The following CLDN14 variants were observed in gnomAD, a reference collection of about 807,000 sequenced individuals.
CLDN14 encodes claudin-14.
CLDN14 carries 2 observed loss-of-function variants against 2.1 expected under a neutral mutation model. The ratio of observed to expected loss-of-function variants is 0.96; its 90% confidence interval spans 0.39 to 3.01. The LOEUF (loss-of-function observed/expected upper bound fraction) is 3.01, where lower values mean the gene tolerates loss of function less well. Ranked by LOEUF, CLDN14 falls within the 30% of genes most tolerant of loss-of-function variation. The probability of loss-of-function intolerance (pLI) is 0.09; values close to 1 mark genes in which losing one functional copy is unlikely to be tolerated. For missense variants in CLDN14, 298 were observed against 328.0 expected, an observed-to-expected ratio of 0.91 and a Z score of 0.71; for synonymous variants, 136 against 154.4, an observed-to-expected ratio of 0.88 and a Z score of 0.88.
At chr21:36,509,071 A>G (rs1373845368) in intron 2 of CLDN14, among the ~76,000 whole-genome samples, 1 of 152,232 alleles carries the variant, frequency 6.6e-6, no homozygotes, top group East Asian at 1.9e-4. Context: ...ATATTGAAAG[A>G]ATATATAAAA....
At chr21:36,470,431 G>A (rs768671341) in intron 1 of CLDN14, among the ~76,000 whole-genome samples, 1 of 152,190 alleles carries the variant, frequency 6.6e-6, no homozygotes, top group East Asian at 1.9e-4. Context: ...GGAATGTGGA[G>A]GATCGCCAGC....
chr21:36,466,047 G>A (rs1417551715), intron 1 of CLDN14, among the ~76,000 whole-genome samples: 1 of 152,166 alleles, frequency 6.6e-6, no homozygotes, highest in African/African-American at 2.4e-5. Context: ...GATGTCTTGT[G>A]TGGAGGACAC....
chr21:36,475,298 C>T lies in CLDN14; in HGVS notation c.-82+4197G>A, dbSNP rs865866758. ...GTGTGAACATCATGGCGGGCCGTGGCGTCAAAGCTGGGATGGAGGGACATT... is the reference window on the plus strand; with the variant it reads ...GTGTGAACATCATGGCGGGCCGTGGTGTCAAAGCTGGGATGGAGGGACATT... On this transcript the variant is annotated intron_variant, in intron 1 of 1. Transcript: ENST00000399135. Among the ~76,000 whole-genome samples the T allele has an allele frequency of 7.9e-5, 12 of 152,146 alleles. No individual in the cohort carries two copies. In the South Asian group the frequency reaches 2.3e-3, roughly 29 times the overall value.
intron 1 of CLDN14, among the ~76,000 whole-genome samples, chr21:36,546,120 A>C (rs1181918256): frequency 6.6e-6 from 1 of 152,230 alleles, no homozygotes; most frequent in African/African-American, 2.4e-5. Context: ...TTCTTGGATT[A>C]ATCCAGATCT....
intron 1 of CLDN14, among the ~76,000 whole-genome samples, chr21:36,534,262 A>C (rs1260379549): frequency 1.3e-5 from 2 of 152,044 alleles, no homozygotes; most frequent in Non-Finnish European, 2.9e-5. Flanking sequence ...TTTTCATGCT[A>C]TTCATGAAAA....
chr21:36,542,262 C>T (rs1309837047), intron 1 of CLDN14, among the ~76,000 whole-genome samples: 1 of 152,154 alleles, frequency 6.6e-6, no homozygotes, highest in Admixed American at 6.5e-5. Flanking sequence ...CGCTCCTGGC[C>T]GGCAATAGAC....
chr21:36,521,235 G>A (rs1354152976), intron 1 of CLDN14, among the ~76,000 whole-genome samples: 1 of 152,132 alleles, frequency 6.6e-6, no homozygotes, highest in Admixed American at 6.5e-5. Flanking sequence ...GGCAGGGTCC[G>A]AGGGTCCCGT....
At chr21:36,555,816 T>C (rs2087594826) in intron 1 of CLDN14, among the ~76,000 whole-genome samples, 1 of 14,344 alleles carries the variant, frequency 7.0e-5, no homozygotes, top group African/African-American at 1.2e-4. Flanking sequence ...AGTGTGTGTG[T>C]GTGTGTGTGT....
At chr21:36,568,785 G>A (rs1374450951) in intron 1 of CLDN14, among the ~76,000 whole-genome samples, 2 of 152,138 alleles carry the variant, frequency 1.3e-5, no homozygotes, top group Non-Finnish European at 2.9e-5. Flanking sequence ...TCACAGACAC[G>A]CCACATATGC....
chr21:36,553,184 G>A (rs749136785), intron 1 of CLDN14, among the ~76,000 whole-genome samples: 23 of 152,290 alleles, frequency 1.5e-4, no homozygotes, highest in Non-Finnish European at 2.5e-4. Context: ...CGAGGCCCCC[G>A]TCTGTTGGAA....
At chr21:36,509,882 C>T (rs2087170149) in intron 2 of CLDN14, among the ~76,000 whole-genome samples, 1 of 152,134 alleles carries the variant, frequency 6.6e-6, no homozygotes, top group Non-Finnish European at 1.5e-5. Flanking sequence ...ACGTGAGCCA[C>T]CCGCGCCTGG....
chr21:36,469,225 T>C (rs2086682000), intron 1 of CLDN14, among the ~76,000 whole-genome samples: 1 of 152,222 alleles, frequency 6.6e-6, no homozygotes, highest in African/African-American at 2.4e-5. Context: ...AAGCAATACC[T>C]TGGAAAAACC....
chr21:36,573,390 G>T (rs1316900369), intron 1 of CLDN14, among the ~76,000 whole-genome samples: 1 of 152,010 alleles, frequency 6.6e-6, no homozygotes, highest in Non-Finnish European at 1.5e-5. Flanking sequence ...ATAGAAAAGG[G>T]TGTGAATTAT....
At chr21:36,562,716 A>G (rs1438727743) in intron 1 of CLDN14, among the ~76,000 whole-genome samples, 2 of 149,104 alleles carry the variant, frequency 1.3e-5, no homozygotes, top group East Asian at 2.0e-4. Context: ...TTTTTTCATG[A>G]GCAAATTACA....
chr21:36,467,031 G>A (rs907657216), intron 1 of CLDN14, among the ~76,000 whole-genome samples: 5 of 152,120 alleles, frequency 3.3e-5, no homozygotes, highest in South Asian at 2.1e-4. Flanking sequence ...ACGACAGAGC[G>A]GTAAAGAATT....
intron 1 of CLDN14, among the ~76,000 whole-genome samples, chr21:36,563,350 A>G (rs1450557693): frequency 1.3e-5 from 2 of 151,920 alleles, no homozygotes; most frequent in South Asian, 2.1e-4. Context: ...ACCCAACTGG[A>G]TATGTTGGCC....
intron 1 of CLDN14, among the ~76,000 whole-genome samples, chr21:36,534,369 G>T (rs1262327175): frequency 6.6e-6 from 1 of 152,202 alleles, no homozygotes; most frequent in Non-Finnish European, 1.5e-5. Context: ...ACAGGAAAAA[G>T]GGATGATGGA....
chr21:36,523,563 A>G (rs1372348174), intron 1 of CLDN14, among the ~76,000 whole-genome samples: 1 of 151,762 alleles, frequency 6.6e-6, no homozygotes, highest in Middle Eastern at 3.2e-3. Flanking sequence ...CCTGGTCGAC[A>G]TGGCAAAACC....
chr21:36,502,097 C>T (rs910896449), intron 2 of CLDN14, among the ~76,000 whole-genome samples: 5 of 152,070 alleles, frequency 3.3e-5, no homozygotes, highest in Non-Finnish European at 7.3e-5. Context: ...CCACAATGAG[C>T]CAAAAGCAGT....
Sources: allele counts gnomAD v4.1 joint callset (sites outside exome capture counted in the v4.1 genomes callset), GRCh38; gene constraint gnomAD v4.1.1; transcripts MANE v1.5; gene names NCBI Gene and HGNC (gene_info 2026-07-23, HGNC 2026-07-21).